Variants in OSBPL10 observed in about 807,000 individuals in gnomAD.
OSBPL10 encodes the protein oxysterol binding protein like 10.
Under a neutral mutation model 81.7 loss-of-function variants are expected in OSBPL10, and 49 were observed. That is an observed-to-expected ratio of 0.60 (90% CI 0.48 to 0.76). The LOEUF is 0.76. Among genes scored for constraint, OSBPL10 ranks in the 30% least tolerant of loss-of-function variants. The probability of loss-of-function intolerance (pLI) is 0.00; values close to 1 mark genes in which losing one functional copy is unlikely to be tolerated. For synonymous variants in OSBPL10, 419 were observed against 383.6 expected, an observed-to-expected ratio of 1.09 and a Z score of -1.08; for missense variants, 923 against 987.8, an observed-to-expected ratio of 0.93 and a Z score of 0.88.
chr3:32,021,697 G>T (rs1699365179), intron 2 of OSBPL10, among the ~76,000 whole-genome samples: 1 of 152,048 alleles, frequency 6.6e-6, no homozygotes, highest in African/African-American at 2.4e-5. Flanking sequence ...TTCTAGGCTG[G>T]GTATGATGGC....
intron 2 of OSBPL10, among the ~76,000 whole-genome samples, chr3:32,034,886 C>A (rs1699503261): frequency 6.6e-6 from 1 of 152,118 alleles, no homozygotes; most frequent in African/African-American, 2.4e-5. Context: ...CAAAATATAT[C>A]AAAATAAATA....
intron 1 of OSBPL10, 55 bp downstream of exon 1, chr3:31,980,828 TACACACACGCACGCAC>T (rs1698815487): frequency 1.4e-6 from 2 of 1,423,550 alleles, no homozygotes; most frequent in Non-Finnish European, 1.8e-6. Flanking sequence ...CAGACACACA[TACACACACGCACGCAC>T]ACACACACAC....
At chr3:31,832,113 G>A (rs1700258073) in intron 3 of OSBPL10, among the ~76,000 whole-genome samples, 2 of 152,316 alleles carry the variant, frequency 1.3e-5, no homozygotes, top group Admixed American at 6.5e-5. Context: ...TTAAGTGAAG[G>A]AAGGCACATA....
Position 31,669,423 on chromosome 3 carries a change from A to G in OSBPL10, c.1914-599T>C, listed in dbSNP as rs71612099. On this transcript the variant is annotated intron_variant, in intron 9 of 11. Transcript: ENST00000396556. The stretch of plus-strand genomic sequence containing the variant: ...GCTTTTCAATCCTTAAATCAGGTCT[A>G]TTTTGTATGGGGTCAAACATGGTTG... 5.9e-3 allele frequency among the ~76,000 whole-genome samples: 900 copies of G among 152,278 alleles called. 7 individuals are homozygous for G. Among genetic ancestry groups the G allele is most frequent in the Non-Finnish European group, 0.01 (710 of 68,010 alleles).
At position 31,808,251 on chromosome 3, in the gene OSBPL10, C is replaced by T. The variant is rs139075241; in HGVS notation, c.729+21789G>A. On this transcript the variant is annotated intron_variant, in intron 4 of 11. Coordinates refer to ENST00000396556, the MANE Select transcript of OSBPL10 (RefSeq NM_017784.5). The stretch of plus-strand genomic sequence containing the variant: ...GTTGGAGGGAAAGGGGGAGAAAGGA[C>T]GAGGCAAGCGCAGGCATTTCACAGT... Among the ~76,000 whole-genome samples, 77 of 152,198 alleles carry T rather than the reference C, an allele frequency of 5.1e-4. 1 individual carries two copies. Among genetic ancestry groups the T allele is most frequent in the African/African-American group, 1.7e-3 (69 of 41,512 alleles).
intron 1 of OSBPL10, among the ~76,000 whole-genome samples, chr3:31,908,613 A>G (rs1369706949): frequency 6.6e-6 from 1 of 152,176 alleles, no homozygotes; most frequent in Non-Finnish European, 1.5e-5. Flanking sequence ...AGTGAGGATG[A>G]GGTTAAGGAA....
At chr3:31,898,585 AAAAAAAAAATCT>A (rs1293901785) in intron 1 of OSBPL10, among the ~76,000 whole-genome samples, 65 of 151,994 alleles carry the variant, frequency 4.3e-4, no homozygotes, top group African/African-American at 1.5e-3. Context: ...TCTCTTAAAA[AAAAAAAAAATCT>A]AAAAAAAAAG....
intron 2 of OSBPL10, among the ~76,000 whole-genome samples, chr3:32,016,585 T>TA (rs1484717499): frequency 6.6e-5 from 10 of 152,200 alleles, no homozygotes; most frequent in Non-Finnish European, 1.2e-4. Context: ...CCCTAAAACT[T>TA]AAAGTATAAT....
At chr3:31,876,548 G>C (rs959650943) in intron 2 of OSBPL10, 36 bp from the exon 3 acceptor site, 3 of 1,561,222 alleles carry the variant, frequency 1.9e-6, no homozygotes, top group African/African-American at 1.4e-5. Context: ...AATGATTGCA[G>C]AGATTGTTCC....
At chr3:31,765,023 C>T (rs563165922) in intron 4 of OSBPL10, among the ~76,000 whole-genome samples, 3 of 151,020 alleles carry the variant, frequency 2.0e-5, no homozygotes, top group South Asian at 2.1e-4. Flanking sequence ...TACTTTTTTT[C>T]TTTTTTTTTC....
At chr3:31,933,611 T>C (rs1488486855) in intron 1 of OSBPL10, among the ~76,000 whole-genome samples, 1 of 151,966 alleles carries the variant, frequency 6.6e-6, no homozygotes, top group South Asian at 2.1e-4. Flanking sequence ...GCTCTCACTA[T>C]GTTGTCTAGG....
intron 3 of OSBPL10, among the ~76,000 whole-genome samples, chr3:31,850,351 A>G (rs1255839759): frequency 6.6e-6 from 1 of 152,144 alleles, no homozygotes; most frequent in Non-Finnish European, 1.5e-5. Context: ...AAAAGAAAGA[A>G]AAAAATTCCA....
chr3:31,867,409 T>C (rs1458596363), intron 3 of OSBPL10, among the ~76,000 whole-genome samples: 1 of 152,154 alleles, frequency 6.6e-6, no homozygotes, highest in African/African-American at 2.4e-5. Flanking sequence ...AGGAAACACT[T>C]CCCTTTATTT....
At chr3:31,898,314 A>G (rs1696126713) in intron 1 of OSBPL10, among the ~76,000 whole-genome samples, 2 of 152,216 alleles carry the variant, frequency 1.3e-5, no homozygotes, top group Admixed American at 6.5e-5. Flanking sequence ...GAGGTGAGAG[A>G]TATGTTAATT....
At chr3:31,754,214 C>G (rs542685375) in intron 4 of OSBPL10, among the ~76,000 whole-genome samples, 1 of 152,162 alleles carries the variant, frequency 6.6e-6, no homozygotes, top group East Asian at 1.9e-4. Context: ...GGACACTGCT[C>G]CTCATACCCA....
intron 4 of OSBPL10, among the ~76,000 whole-genome samples, chr3:31,761,544 T>C (rs1464070625): frequency 6.7e-6 from 1 of 148,218 alleles, no homozygotes; most frequent in Non-Finnish European, 1.5e-5. Flanking sequence ...AGGCCTGGTA[T>C]GGTGGCTCAC....
At chr3:31,820,300 A>T (rs1461706015) in intron 4 of OSBPL10, among the ~76,000 whole-genome samples, 1 of 152,042 alleles carries the variant, frequency 6.6e-6, no homozygotes, top group Admixed American at 6.6e-5. Flanking sequence ...TGGGGATATT[A>T]GAAAAAATAA....
At chr3:31,697,451 G>C (rs993892857) in intron 7 of OSBPL10, among the ~76,000 whole-genome samples, 181 of 151,776 alleles carry the variant, frequency 1.2e-3, no homozygotes, top group African/African-American at 4.2e-3. Context: ...ATAATAAATG[G>C]CAATTAATAA....
chr3:32,027,545 T>C (rs992958216), intron 2 of OSBPL10, among the ~76,000 whole-genome samples: 4 of 152,248 alleles, frequency 2.6e-5, no homozygotes, highest in Admixed American at 2.0e-4. Flanking sequence ...TGGAAATAAG[T>C]GTTTGCTAAA....
Sources: allele counts gnomAD v4.1 joint callset (sites outside exome capture counted in the v4.1 genomes callset), GRCh38; gene constraint gnomAD v4.1.1; transcripts MANE v1.5; gene names NCBI Gene and HGNC (gene_info 2026-07-23, HGNC 2026-07-21).